RBFOX1: variants seen among roughly 807,000 people sequenced by gnomAD.
RBFOX1 encodes the protein RNA binding fox-1 homolog 1, also known as RNA binding protein fox-1 homolog 1.
A neutral mutation model predicts 57.7 loss-of-function variants in RBFOX1; 8 were observed. That is an observed-to-expected ratio of 0.14 (90% CI 0.08 to 0.25). The LOEUF (loss-of-function observed/expected upper bound fraction) is 0.25, where lower values mean the gene tolerates loss of function less well. Ranked by LOEUF, RBFOX1 falls within the 10% of genes least tolerant of loss-of-function variation. The pLI is 1.00. For synonymous variants in RBFOX1, 326 were observed against 222.4 expected, an observed-to-expected ratio of 1.47 and a Z score of -4.15; for missense variants, 611 against 548.5, an observed-to-expected ratio of 1.11 and a Z score of -1.14.
chr16:6,785,686 G>C (rs1035111901), intron 3 of RBFOX1, among the ~76,000 whole-genome samples: 2 of 152,092 alleles, frequency 1.3e-5, no homozygotes. Context: ...TGTTCCATGT[G>C]AGCATGTTAC....
intron 2 of RBFOX1, among the ~76,000 whole-genome samples, chr16:5,592,466 G>C (rs2047040707): frequency 6.6e-6 from 1 of 151,106 alleles, no homozygotes; most frequent in South Asian, 2.1e-4. Flanking sequence ...GTCCAGGCTG[G>C]AGTGCAGTGG....
chr16:7,281,882 A>T (rs947058778), intron 4 of RBFOX1, among the ~76,000 whole-genome samples: 1 of 151,936 alleles, frequency 6.6e-6, no homozygotes, highest in Admixed American at 6.6e-5. Flanking sequence ...CTTTTCCTAG[A>T]AAAGGTCTTA....
intron 1 of RBFOX1, among the ~76,000 whole-genome samples, chr16:6,114,774 G>T (rs1438487596): frequency 6.6e-6 from 1 of 152,098 alleles, no homozygotes; most frequent in African/African-American, 2.4e-5. Flanking sequence ...TAGCCTGGGA[G>T]GATTATTGGC....
Position 6,376,673 on chromosome 16 carries a change from A to C in RBFOX1, c.-64+59616A>C, listed in dbSNP as rs534613463. Among the ~76,000 whole-genome samples, 5 of 152,278 alleles carry C rather than the reference A, an allele frequency of 3.3e-5. No homozygotes were observed. The East Asian group carries it at 7.7e-4, about 24-fold the overall frequency. On this transcript the variant is annotated intron_variant, in intron 2 of 15. Transcript: ENST00000550418. ...GGTTTAGGGCCCAACTAATGGTTTC[A>C]TGACTCCTGTGTTAGCTTCCTAGAT...
At chr16:5,475,154 A>G (rs1301670543) in intron 2 of RBFOX1, among the ~76,000 whole-genome samples, 1 of 152,212 alleles carries the variant, frequency 6.6e-6, no homozygotes, top group Non-Finnish European at 1.5e-5. Flanking sequence ...TAGTGCAAAT[A>G]TATTTGCCGT....
At chr16:7,335,040 C>A (rs1284492675) in intron 4 of RBFOX1, among the ~76,000 whole-genome samples, 1 of 152,182 alleles carries the variant, frequency 6.6e-6, no homozygotes, top group Non-Finnish European at 1.5e-5. Flanking sequence ...ACTGGCTTTA[C>A]TTATGGTTTG....
intron 3 of RBFOX1, among the ~76,000 whole-genome samples, chr16:6,932,223 C>T (rs538187744): frequency 1.3e-5 from 2 of 152,292 alleles, no homozygotes; most frequent in African/African-American, 4.8e-5. Flanking sequence ...CCTGCCTCGG[C>T]CTCCCAAGTA....
intron 2 of RBFOX1, among the ~76,000 whole-genome samples, chr16:6,645,085 G>T (rs953546191): frequency 2.0e-5 from 3 of 152,140 alleles, no homozygotes; most frequent in Admixed American, 6.6e-5. Context: ...GCCTCTTCCA[G>T]TGTCTGGTAG....
chr16:7,672,169 C>T (rs2071676837), intron 13 of RBFOX1, among the ~76,000 whole-genome samples: 1 of 152,106 alleles, frequency 6.6e-6, no homozygotes, highest in African/African-American at 2.4e-5. Context: ...AGCTTTTAAA[C>T]CTATTTCTCA....
chr16:5,553,578 G>A (rs914967159), intron 2 of RBFOX1, among the ~76,000 whole-genome samples: 4 of 151,586 alleles, frequency 2.6e-5, no homozygotes, highest in Non-Finnish European at 4.4e-5. Flanking sequence ...GCCTCCCAAA[G>A]TGCTGGGATT....
chr16:7,672,284 A>T lies in RBFOX1; in HGVS notation c.931-4490A>T, dbSNP rs539470880. Among the ~76,000 whole-genome samples the T allele has an allele frequency of 2.6e-5, 4 of 152,300 alleles. No homozygotes were observed. In the South Asian group the frequency reaches 8.3e-4, roughly 32 times the overall value. On this transcript the variant is annotated intron_variant, in intron 13 of 15. Coordinates refer to ENST00000550418, the MANE Select transcript of RBFOX1 (RefSeq NM_018723.4). ...AGTCTCCAAATTTGGTCTATTACCC[A>T]CATTGAAACCGTCAAATAAGATGAA...
intron 2 of RBFOX1, among the ~76,000 whole-genome samples, chr16:6,639,395 C>T (rs2098469019): frequency 6.6e-6 from 1 of 152,124 alleles, no homozygotes; most frequent in Admixed American, 6.5e-5. Context: ...CTTCCCTTCC[C>T]AGGAGAACGT....
At position 5,350,423 on chromosome 16, in the gene RBFOX1, A is replaced by G. The variant is rs888838871; in HGVS notation, c.219+110318A>G. The stretch of plus-strand genomic sequence containing the variant: ...CAGGCTGACACACAGCAGGAATGGG[A>G]GGTGAGGTGTCCCTAGTCAGAGTGA... On this transcript the variant is annotated intron_variant, in intron 1 of 2. Transcript: ENST00000585867. Among the ~76,000 whole-genome samples the G allele has an allele frequency of 8.5e-5, 13 of 152,110 alleles. No individual in the cohort carries two copies. The East Asian group carries it at 2.5e-3, about 29-fold the overall frequency.
intron 1 of RBFOX1, among the ~76,000 whole-genome samples, chr16:5,341,362 CAG>C (rs983659027): frequency 3.9e-5 from 6 of 152,210 alleles, no homozygotes; most frequent in Admixed American, 2.0e-4. Context: ...AAGAGAGAAA[CAG>C]GGAATCCATC....
At chr16:6,127,401 T>C (rs1302007764) in intron 1 of RBFOX1, among the ~76,000 whole-genome samples, 1 of 152,216 alleles carries the variant, frequency 6.6e-6, no homozygotes, top group Non-Finnish European at 1.5e-5. Context: ...TGTGGACCTT[T>C]TAATTCAAGA....
chr16:7,628,305 C>T lies in RBFOX1; in HGVS notation c.677-2298C>T, dbSNP rs560851021. 5.3e-5 allele frequency among the ~76,000 whole-genome samples: 8 copies of T among 152,152 alleles called. No individual in the cohort carries two copies. The South Asian group carries it at 1.0e-3, about 20-fold the overall frequency. On this transcript the variant is annotated intron_variant, in intron 10 of 15. Transcript: ENST00000550418. ...GCTAGGATCCTATCGTAGATGATTC[C>T]GACCTGATAACTCTCTGTATATCCT...
At chr16:5,267,706 G>C (rs1392340635) in intron 1 of RBFOX1, among the ~76,000 whole-genome samples, 1 of 152,192 alleles carries the variant, frequency 6.6e-6, no homozygotes, top group Non-Finnish European at 1.5e-5. Flanking sequence ...TACTTCCAGA[G>C]TTCCCACTTT....
chr16:5,539,152 G>C (rs552537150), intron 2 of RBFOX1, among the ~76,000 whole-genome samples: 14 of 152,302 alleles, frequency 9.2e-5, no homozygotes, highest in Admixed American at 7.8e-4. Context: ...CAGGTGCATG[G>C]TTCAGGGAAA....
At chr16:6,040,077 T>G (rs758033588) in intron 1 of RBFOX1, among the ~76,000 whole-genome samples, 1 of 152,248 alleles carries the variant, frequency 6.6e-6, no homozygotes, top group Admixed American at 6.5e-5. Context: ...CTGATCTCAG[T>G]GTGGTGTATT....
Sources: allele counts gnomAD v4.1 joint callset (sites outside exome capture counted in the v4.1 genomes callset), GRCh38; gene constraint gnomAD v4.1.1; transcripts MANE v1.5; gene names NCBI Gene and HGNC (gene_info 2026-07-23, HGNC 2026-07-21).